Variants in PCDHA3 observed in about 807,000 individuals in gnomAD.
PCDHA3 encodes the protein protocadherin alpha-3.
Under a neutral mutation model 62.2 loss-of-function variants are expected in PCDHA3, and 41 were observed. The ratio of observed to expected loss-of-function variants is 0.66; its 90% CI spans 0.51 to 0.86. PCDHA3 has a LOEUF of 0.86. PCDHA3 is among the 40% of genes least tolerant of loss of function. The probability of loss-of-function intolerance (pLI) is 0.00; values close to 1 mark genes in which losing one functional copy is unlikely to be tolerated. For missense variants in PCDHA3, 1,304 were observed against 1,241.2 expected, an observed-to-expected ratio of 1.05 and a Z score of -0.76; for synonymous variants, 640 against 555.4, an observed-to-expected ratio of 1.15 and a Z score of -2.14.
At chr5:140,853,515 G>A in intron 1 of PCDHA3, 1 of 976,904 alleles carries the variant, frequency 1.0e-6, no homozygotes, top group Non-Finnish European at 1.2e-6. Context: ...CAATAATGAA[G>A]CTCCTCCTAT....
chr5:140,958,135 G>A (rs868969031), intron 1 of PCDHA3, among the ~76,000 whole-genome samples: 1 of 152,036 alleles, frequency 6.6e-6, no homozygotes, highest in Non-Finnish European at 1.5e-5. Flanking sequence ...GTATCAGTGT[G>A]TATATTTATA....
At chr5:140,951,936 C>G (rs2153694375) in intron 1 of PCDHA3, among the ~76,000 whole-genome samples, 1 of 152,278 alleles carries the variant, frequency 6.6e-6, no homozygotes, top group Admixed American at 6.5e-5. Context: ...TCCCAAGATA[C>G]AGTGCGGGTA....
chr5:140,830,272 C>G, intron 1 of PCDHA3: 1 of 1,613,840 alleles, frequency 6.2e-7, no homozygotes, highest in Non-Finnish European at 8.5e-7. Context: ...CGGCGCCACC[C>G]ACCGAGGGCG....
intron 1 of PCDHA3, chr5:140,841,972 G>A: frequency 6.2e-7 from 1 of 1,613,874 alleles, no homozygotes; most frequent in East Asian, 2.2e-5. Context: ...CCACAGATGG[G>A]GGCAAACCTG....
Position 140,863,430 on chromosome 5 carries a change from A to G in PCDHA3, c.2394+59839A>G, listed in dbSNP as rs782084592. ...CGCTGGTGTACCGCAGCGTAGTGGG[A>G]TCTGGTCTTACTCGCAGCAAAGGAG... On this transcript the variant is annotated intron_variant, in intron 1 of 3. Coordinates refer to ENST00000522353, the MANE Select transcript of PCDHA3 (RefSeq NM_018906.3). The G allele has an allele frequency of 4.5e-5, 29 of 647,180 alleles. 1 individual carries two copies. In the Admixed American group the frequency reaches 5.6e-4, roughly 13 times the overall value. The allele number at this position is 647,180 out of a possible 1,614,324, so 40.1% of individuals were successfully genotyped here. A position where few individuals can be genotyped will look rare whatever the true frequency, so the allele number is the denominator to read the frequency against.
intron 1 of PCDHA3, chr5:140,877,199 C>T (rs1345698735): frequency 8.7e-6 from 14 of 1,613,698 alleles, no homozygotes; most frequent in Non-Finnish European, 1.2e-5. Flanking sequence ...GCAGGAGGCG[C>T]AGTTAGCGAG....
chr5:140,866,332 C>T (rs907104560), intron 1 of PCDHA3: 2 of 152,020 alleles, frequency 1.3e-5, no homozygotes, highest in Non-Finnish European at 2.9e-5. Flanking sequence ...CTGAACTTGG[C>T]CAAAGGATTC....
At chr5:140,993,667 C>T (rs2097576739) in intron 3 of PCDHA3, among the ~76,000 whole-genome samples, 1 of 152,052 alleles carries the variant, frequency 6.6e-6, no homozygotes, top group African/African-American at 2.4e-5. Context: ...AACAATGGAC[C>T]ACATATGTGA....
rs184817309 is a variant in PCDHA3, at chr5:140,876,910, T to G, written c.2394+73319T>G. On this transcript the variant is annotated intron_variant, in intron 1 of 3. Coordinates refer to ENST00000522353, the MANE Select transcript of PCDHA3 (RefSeq NM_018906.3). The stretch of plus-strand genomic sequence containing the variant: ...CTGCCACATCTTCACGGTGTCGGCA[T>G]GGGACGCGGACGCGCAGAAGAACGC... 1.1e-5 allele frequency: 18 copies of G among 1,613,860 alleles called. No homozygotes were observed. The South Asian group carries it at 1.4e-4, about 13-fold the overall frequency.
At chr5:140,916,755 G>C (rs781862005) in intron 1 of PCDHA3, among the ~76,000 whole-genome samples, 15 of 152,208 alleles carry the variant, frequency 9.9e-5, no homozygotes, top group Admixed American at 2.0e-4. Flanking sequence ...CTGGGATTAG[G>C]GGAGGGGTGG....
chr5:140,892,262 T>G (rs1554185143), intron 1 of PCDHA3, among the ~76,000 whole-genome samples: 1 of 152,188 alleles, frequency 6.6e-6, no homozygotes, highest in African/African-American at 2.4e-5. Flanking sequence ...TTTGATTTTG[T>G]GCTGAAAGTT....
In PCDHA3 at chr5:140,835,890, G is replaced by T. The variant is rs147416989; in HGVS notation, c.2394+32299G>T. Reference sequence around the variant, plus strand: ...GGTGGAGCTGCGGGTGGGCGAGCGCGCGCTGTCGAGCTACGTGTCAGTGCA... The same window carrying T: ...GGTGGAGCTGCGGGTGGGCGAGCGCTCGCTGTCGAGCTACGTGTCAGTGCA... On this transcript the variant is annotated intron_variant, in intron 1 of 3. Coordinates refer to ENST00000522353, the MANE Select transcript of PCDHA3 (RefSeq NM_018906.3). 490 of 1,611,966 alleles carry T rather than the reference G, an allele frequency of 3.0e-4. 3 individuals carry two copies. In the African/African-American group the frequency reaches 5.1e-3, roughly 17 times the overall value.
chr5:140,931,088 A>G (rs1178910459), intron 1 of PCDHA3, among the ~76,000 whole-genome samples: 1 of 152,196 alleles, frequency 6.6e-6, no homozygotes, highest in African/African-American at 2.4e-5. Context: ...AGTTCTACAG[A>G]TGACAAAGGA....
chr5:140,882,307 A>G (rs2153383804), intron 1 of PCDHA3: 1 of 1,613,900 alleles, frequency 6.2e-7, no homozygotes, highest in South Asian at 1.1e-5. Context: ...GACCGCGGCA[A>G]CTACTGCTCT....
At chr5:140,967,138 G>A in intron 1 of PCDHA3, 1 of 1,611,568 alleles carries the variant, frequency 6.2e-7, no homozygotes, top group Middle Eastern at 1.7e-4. Flanking sequence ...TGGAAGTGCT[G>A]GCGCACAACC....
At chr5:140,914,782 G>T (rs563426406) in intron 1 of PCDHA3, among the ~76,000 whole-genome samples, 3 of 151,862 alleles carry the variant, frequency 2.0e-5, no homozygotes, top group Non-Finnish European at 4.4e-5. Context: ...CTTATCTTAT[G>T]ACCCATTATT....
intron 1 of PCDHA3, chr5:140,876,230 A>C: frequency 6.2e-7 from 1 of 1,613,886 alleles, no homozygotes; most frequent in South Asian, 1.1e-5. Flanking sequence ...GTGTTGTCTG[A>C]AAATGTCCAA....
At chr5:140,920,923 G>C (rs1229531762) in intron 1 of PCDHA3, among the ~76,000 whole-genome samples, 5 of 151,200 alleles carry the variant, frequency 3.3e-5, no homozygotes, top group African/African-American at 1.2e-4. Flanking sequence ...TCCAAGAGTA[G>C]GTGATCTAGC....
chr5:140,966,436 G>T, intron 1 of PCDHA3: 1 of 421,750 alleles, frequency 2.4e-6, no homozygotes. Flanking sequence ...CCCTCCTACC[G>T]CTCCCTTTCC....
Sources: allele counts gnomAD v4.1 joint callset (sites outside exome capture counted in the v4.1 genomes callset), GRCh38; gene constraint gnomAD v4.1.1; transcripts MANE v1.5; gene names NCBI Gene and HGNC (gene_info 2026-07-23, HGNC 2026-07-21).